Variants in THSD7A observed in about 807,000 individuals in gnomAD.
THSD7A encodes thrombospondin type 1 domain containing 7A, also known as thrombospondin type-1 domain-containing protein 7A.
A neutral mutation model predicts 231.3 loss-of-function variants in THSD7A; 96 were observed. The observed-to-expected ratio is 0.41, with a 90% CI of 0.35 to 0.49. THSD7A has a LOEUF of 0.49. Among genes scored for constraint, THSD7A ranks in the 20% least tolerant of loss-of-function variants. The pLI, the probability that THSD7A is intolerant of heterozygous loss-of-function variation, is 0.05. For synonymous variants in THSD7A, 940 were observed against 743.3 expected (o/e 1.26, Z -4.30); for missense variants, 2,290 against 2,070.2 (o/e 1.11, Z -2.06).
chr7:11,456,684 G>A (rs1192636086), intron 11 of THSD7A, among the ~76,000 whole-genome samples: 1 of 151,934 alleles, frequency 6.6e-6, no homozygotes, highest in African/African-American at 2.4e-5. Flanking sequence ...TAGGCCATAT[G>A]GGTCTGTCCT....
chr7:11,446,038 T>C lies in THSD7A; in HGVS notation c.3064+23A>G. The C allele has an allele frequency of 6.2e-7, 1 of 1,612,482 alleles. No homozygotes were observed. Among genetic ancestry groups the C allele is most frequent in the South Asian group, 1.1e-5 (1 of 91,050 alleles). ...TCCACACTCCCGAAGATAGCAAATATGTAACAATGAAGATTGAATTACCAT... is the reference window on the plus strand; with the variant it reads ...TCCACACTCCCGAAGATAGCAAATACGTAACAATGAAGATTGAATTACCAT... On this transcript the variant is annotated intron_variant, in intron 13 of 27. Transcript: ENST00000423059. The surrounding 1 kb of genome is among the most constrained non-coding windows in gnomAD (Gnocchi z 4.0).
intron 1 of THSD7A, among the ~76,000 whole-genome samples, chr7:11,803,571 T>C (rs190771254): frequency 6.6e-6 from 1 of 152,158 alleles, no homozygotes; most frequent in East Asian, 1.9e-4. Context: ...ATATCAGCAT[T>C]TTGCTTTGGG....
intron 6 of THSD7A, among the ~76,000 whole-genome samples, chr7:11,521,365 A>G (rs1257417568): frequency 1.3e-5 from 2 of 152,110 alleles, no homozygotes; most frequent in East Asian, 1.9e-4. Flanking sequence ...ACTAATTTTA[A>G]AGAAAAATTG....
At chr7:11,828,785 T>C (rs1042583225) in intron 1 of THSD7A, among the ~76,000 whole-genome samples, 1 of 152,186 alleles carries the variant, frequency 6.6e-6, no homozygotes, top group Non-Finnish European at 1.5e-5. Flanking sequence ...GTATTATTCA[T>C]GTATATATTA....
At chr7:11,501,718 A>C (rs1024440770) in intron 6 of THSD7A, among the ~76,000 whole-genome samples, 1 of 152,218 alleles carries the variant, frequency 6.6e-6, no homozygotes, top group Non-Finnish European at 1.5e-5. Context: ...TACAACTGAA[A>C]GAATTAGAGA....
chr7:11,490,480 A>G (rs753383872), intron 6 of THSD7A, among the ~76,000 whole-genome samples: 4 of 151,962 alleles, frequency 2.6e-5, no homozygotes, highest in Non-Finnish European at 5.9e-5. Flanking sequence ...GTATGTGTGT[A>G]CTCTGTAAGC....
intron 9 of THSD7A, among the ~76,000 whole-genome samples, chr7:11,462,440 T>A (rs1785541169): frequency 6.6e-6 from 1 of 152,232 alleles, no homozygotes; most frequent in Admixed American, 6.5e-5. Context: ...ATTCTTTCCC[T>A]TGAGGAATAT....
At chr7:11,644,365 C>T (rs1782203944) in intron 1 of THSD7A, among the ~76,000 whole-genome samples, 1 of 151,796 alleles carries the variant, frequency 6.6e-6, no homozygotes, top group Non-Finnish European at 1.5e-5. Context: ...CCTGGTAGAT[C>T]CCTTTGTATA....
chr7:11,767,365 T>G (rs1783062174), intron 1 of THSD7A, among the ~76,000 whole-genome samples: 1 of 152,180 alleles, frequency 6.6e-6, no homozygotes. Context: ...GTGGTTACTT[T>G]CCTCCAGTCA....
intron 23 of THSD7A, among the ~76,000 whole-genome samples, chr7:11,398,845 T>A (rs1783291591): frequency 6.6e-6 from 1 of 152,206 alleles, no homozygotes; most frequent in South Asian, 2.1e-4. Context: ...CTTGAGTCAA[T>A]GCCATTAGAC....
intron 1 of THSD7A, among the ~76,000 whole-genome samples, chr7:11,724,196 G>C (rs937245256): frequency 5.3e-5 from 8 of 151,884 alleles, no homozygotes; most frequent in African/African-American, 1.9e-4. Context: ...GTACATAAAA[G>C]AATGTAGCTG....
chr7:11,526,791 T>A (rs1648049121), intron 6 of THSD7A, among the ~76,000 whole-genome samples: 1 of 152,140 alleles, frequency 6.6e-6, no homozygotes, highest in Admixed American at 6.5e-5. Context: ...TGAGGCCTCT[T>A]CAGGTATGTG....
intron 4 of THSD7A, among the ~76,000 whole-genome samples, chr7:11,556,806 CTA>C (rs1289374220): frequency 2.6e-5 from 4 of 151,930 alleles, no homozygotes; most frequent in Non-Finnish European, 5.9e-5. Flanking sequence ...TTATTCTGAC[CTA>C]TATGGTTTCT....
chr7:11,423,814 T>C (rs1784230633), intron 16 of THSD7A, among the ~76,000 whole-genome samples: 1 of 152,206 alleles, frequency 6.6e-6, no homozygotes, highest in Non-Finnish European at 1.5e-5. Context: ...ATGGAGGTGA[T>C]AAAACCTCGT....
chr7:11,767,702 G>C (rs1783073022), intron 1 of THSD7A, among the ~76,000 whole-genome samples: 1 of 152,064 alleles, frequency 6.6e-6, no homozygotes, highest in Non-Finnish European at 1.5e-5. Context: ...AGAGTTGCTG[G>C]CATATAATTG....
At chr7:11,429,238 A>C (rs372984978) in intron 13 of THSD7A, 113 bp from the exon 14 acceptor site, 2 of 995,982 alleles carry the variant, frequency 2.0e-6, no homozygotes, top group Non-Finnish European at 2.9e-6. Context: ...AGCAGCATGC[A>C]AATGCAGAGG....
At chr7:11,519,881 G>A (rs1788190365) in intron 6 of THSD7A, among the ~76,000 whole-genome samples, 1 of 152,060 alleles carries the variant, frequency 6.6e-6, no homozygotes, top group East Asian at 1.9e-4. Flanking sequence ...TTAAGCTATT[G>A]GCTCTTCAAA....
chr7:11,820,131 C>A (rs1309718597), intron 1 of THSD7A, among the ~76,000 whole-genome samples: 1 of 152,188 alleles, frequency 6.6e-6, no homozygotes, highest in East Asian at 1.9e-4. Context: ...GCTCCACCGC[C>A]AGCCTCCTCT....
chr7:11,379,254 C>T lies in THSD7A; in HGVS notation c.4617G>A (p.Gly1539=), dbSNP rs914804005. Residue 1539 remains glycine (G), a synonymous_variant, in exon 26 of 28, where the codon GGG becomes GGA. Coordinates refer to ENST00000423059, the MANE Select transcript of THSD7A (RefSeq NM_015204.3). ...SETKTCHCEE[G]YTEVMSSNST... ...TGTTAGAAGACATGACTTCAGTGTA[C>T]CCTTCTTCACAATGGCATGTTTTTG... 2.5e-6 allele frequency: 4 copies of T among 1,613,546 alleles called. No individual in the cohort carries two copies. The highest frequency in any genetic ancestry group is 3.4e-6 in the Non-Finnish European group (4 of 1,179,608).
Sources: gnomAD v4.1 joint callset for allele counts (sites outside exome capture counted in the v4.1 genomes callset) on GRCh38, gnomAD v4.1.1 for gene constraint, Gnocchi (gnomAD v3.1) non-coding constraint, MANE v1.5 for transcripts, NCBI Gene and HGNC (gene_info 2026-07-23, HGNC 2026-07-21) for gene names.